SERPINB7: variants seen among roughly 807,000 people sequenced by gnomAD.
SERPINB7 encodes the protein serpin B7.
A neutral mutation model predicts 37.4 loss-of-function variants in SERPINB7; 31 were observed. The ratio of observed to expected loss-of-function variants is 0.83; its 90% CI spans 0.62 to 1.12. SERPINB7 has a LOEUF of 1.12. SERPINB7 is among the 50% of genes most tolerant of loss of function. SERPINB7 has a pLI of 0.00. For missense variants in SERPINB7, 521 were observed against 455.3 expected, an observed-to-expected ratio of 1.14 and a Z score of -1.31; for synonymous variants, 163 against 166.1, an observed-to-expected ratio of 0.98 and a Z score of 0.14.
Position 63,753,519 on chromosome 18 carries a change from G to A in SERPINB7, c.-19+399G>A, listed in dbSNP as rs78711318. ...CAACTATATCTACTACCTGTGTCTG[G>A]GCTTTCTATCTCTGGTGTCACAGAC... On this transcript the variant is annotated intron_variant, in intron 1 of 7. Transcript: ENST00000336429. 1.5e-3 allele frequency among the ~76,000 whole-genome samples: 223 copies of A among 152,194 alleles called. 4 individuals carry two copies. The East Asian group carries it at 0.038, about 26-fold the overall frequency.
chr18:63,778,782 A>G (rs1020681066), intron 1 of SERPINB7, among the ~76,000 whole-genome samples: 3 of 152,178 alleles, frequency 2.0e-5, no homozygotes, highest in African/African-American at 7.2e-5. Flanking sequence ...TCAGATTGAA[A>G]TAGACCATAA....
chr18:63,758,829 T>C (rs73469925), intron 1 of SERPINB7, among the ~76,000 whole-genome samples: 4,990 of 152,358 alleles, frequency 0.033, 126 homozygotes, highest in African/African-American at 0.066. Context: ...CCCAGCTCAC[T>C]ACAGCATCCT....
At position 63,782,184 on chromosome 18, in the gene SERPINB7, C is replaced by T. The variant is rs111580977; in HGVS notation, c.-18-171C>T. ...AGAGATAGTTTTAGGGTATTAGTGA[C>T]AAGGATACTGGGCCAAGGGAACTTT... On this transcript the variant is annotated intron_variant, in intron 1 of 7. Coordinates refer to ENST00000398019, the MANE Select transcript of SERPINB7 (RefSeq NM_003784.4). Among the ~76,000 whole-genome samples, 88 of 151,948 alleles carry T rather than the reference C, an allele frequency of 5.8e-4. 1 individual carries two copies. The highest frequency in any genetic ancestry group is 2.1e-3 in the African/African-American group (86 of 41,404).
chr18:63,796,509 G>A (rs1454201922), intron 5 of SERPINB7, 126 bp downstream of exon 5: 7 of 555,778 alleles, frequency 1.3e-5, no homozygotes, highest in Admixed American at 2.9e-5. Context: ...AATGATTGCT[G>A]CTACTTAAAA....
At chr18:63,793,567 T>G (rs1212862858) in intron 4 of SERPINB7, among the ~76,000 whole-genome samples, 1 of 152,128 alleles carries the variant, frequency 6.6e-6, no homozygotes, top group African/African-American at 2.4e-5. Context: ...GTCAGCCCAT[T>G]TAGGGGTGTC....
intron 1 of SERPINB7, among the ~76,000 whole-genome samples, chr18:63,779,134 ATTT>A (rs2049278259): frequency 6.6e-6 from 1 of 152,086 alleles, no homozygotes. Context: ...TTCCTTAGTT[ATTT>A]AACTGGGACT....
chr18:63,799,689 T>A (rs1176326365), intron 6 of SERPINB7, among the ~76,000 whole-genome samples: 1 of 152,198 alleles, frequency 6.6e-6, no homozygotes, highest in East Asian at 1.9e-4. Context: ...CCCATGTGTA[T>A]CAGGCTCAAT....
chr18:63,802,770 T>C (rs1411192448), intron 7 of SERPINB7, among the ~76,000 whole-genome samples: 1 of 152,206 alleles, frequency 6.6e-6, no homozygotes, highest in Non-Finnish European at 1.5e-5. Context: ...ATTAGTATGA[T>C]TTAAAAACAT....
chr18:63,776,933 C>T (rs1467525241), intron 1 of SERPINB7, among the ~76,000 whole-genome samples: 2 of 151,970 alleles, frequency 1.3e-5, no homozygotes, highest in Admixed American at 6.6e-5. Context: ...TATATTCTAA[C>T]GCATCTCTCT....
chr18:63,782,297 A>T (rs2049308136), intron 1 of SERPINB7, 58 bp from the exon 2 acceptor site: 13 of 1,057,966 alleles, frequency 1.2e-5, no homozygotes, highest in Middle Eastern at 2.2e-4. Context: ...AAATCTAAAA[A>T]TATAATATTC....
At chr18:63,776,631 G>A (rs2049250837) in intron 1 of SERPINB7, among the ~76,000 whole-genome samples, 1 of 148,986 alleles carries the variant, frequency 6.7e-6, no homozygotes, top group African/African-American at 2.5e-5. Context: ...ATAGTTTTTG[G>A]GTATACTAGA....
At chr18:63,753,575 T>A (rs2049104145) in intron 1 of SERPINB7, among the ~76,000 whole-genome samples, 1 of 152,212 alleles carries the variant, frequency 6.6e-6, no homozygotes, top group African/African-American at 2.4e-5. Context: ...AGTGAATGAA[T>A]TGATATTTAC....
chr18:63,790,018 A>G (rs193287133), intron 2 of SERPINB7, among the ~76,000 whole-genome samples: 2 of 152,330 alleles, frequency 1.3e-5, no homozygotes, highest in Admixed American at 6.5e-5. Flanking sequence ...GAATTTTTCC[A>G]TAGGTGAAAA....
intron 5 of SERPINB7, among the ~76,000 whole-genome samples, chr18:63,797,518 A>G (rs1157534577): frequency 1.3e-5 from 2 of 152,144 alleles, no homozygotes; most frequent in Non-Finnish European, 2.9e-5. Context: ...TATTTAGACT[A>G]GTTATTTATT....
chr18:63,767,521 C>T (rs964731170), intron 1 of SERPINB7, among the ~76,000 whole-genome samples: 1 of 152,118 alleles, frequency 6.6e-6, no homozygotes, highest in African/African-American at 2.4e-5. Flanking sequence ...GACTGTGTTT[C>T]CTCCCTCGCC....
At chr18:63,796,009 C>T (rs1327062056) in intron 4 of SERPINB7, among the ~76,000 whole-genome samples, 1 of 152,072 alleles carries the variant, frequency 6.6e-6, no homozygotes, top group African/African-American at 2.4e-5. Context: ...GGGCTTTATC[C>T]ATTCTCTATT....
intron 1 of SERPINB7, among the ~76,000 whole-genome samples, chr18:63,760,711 G>T (rs2049148623): frequency 6.6e-6 from 1 of 152,216 alleles, no homozygotes; most frequent in South Asian, 2.1e-4. Context: ...TGGCTGAAAG[G>T]GGCCAATGTA....
At chr18:63,758,528 A>G (rs750212224) in intron 1 of SERPINB7, among the ~76,000 whole-genome samples, 23 of 152,222 alleles carry the variant, frequency 1.5e-4, no homozygotes, top group Non-Finnish European at 2.1e-4. Flanking sequence ...TAATGTGTCT[A>G]TTATCAGCTG....
chr18:63,767,108 C>T (rs2049184759), intron 1 of SERPINB7, among the ~76,000 whole-genome samples: 1 of 152,064 alleles, frequency 6.6e-6, no homozygotes, highest in Non-Finnish European at 1.5e-5. Flanking sequence ...GCTGGATAAC[C>T]ATGGACCTAC....
Sources: allele counts gnomAD v4.1 joint callset (sites outside exome capture counted in the v4.1 genomes callset), GRCh38; gene constraint gnomAD v4.1.1; transcripts MANE v1.5; gene names NCBI Gene and HGNC (gene_info 2026-07-23, HGNC 2026-07-21).